The following EIF3H variants were observed in gnomAD, a reference collection of about 807,000 sequenced individuals.
EIF3H encodes the protein eIF-3-gamma.
In EIF3H, 26 loss-of-function variants were observed where a neutral mutation model predicts 44.2. That is an observed-to-expected ratio of 0.59 (90% CI 0.43 to 0.82). The LOEUF is 0.82. Ranked by LOEUF, EIF3H falls within the 40% of genes least tolerant of loss-of-function variation. The pLI, the probability that EIF3H is intolerant of heterozygous loss-of-function variation, is 0.00. For synonymous variants in EIF3H, 166 were observed against 151.9 expected, an observed-to-expected ratio of 1.09 and a Z score of -0.68; for missense variants, 359 against 432.8, an observed-to-expected ratio of 0.83 and a Z score of 1.51.
intron 2 of EIF3H, among the ~76,000 whole-genome samples, chr8:116,676,674 A>G (rs1278587656): frequency 6.6e-6 from 1 of 152,238 alleles, no homozygotes; most frequent in East Asian, 1.9e-4. Context: ...TGACAGTATT[A>G]CTAATGTAAA....
intron 2 of EIF3H, among the ~76,000 whole-genome samples, chr8:116,681,802 T>C (rs1360576726): frequency 6.6e-6 from 1 of 152,222 alleles, no homozygotes; most frequent in Non-Finnish European, 1.5e-5. Context: ...AAAATACTGT[T>C]CTGATAATTT....
chr8:116,711,209 T>G (rs1198801841), intron 2 of EIF3H, among the ~76,000 whole-genome samples: 1 of 152,138 alleles, frequency 6.6e-6, no homozygotes, highest in Non-Finnish European at 1.5e-5. Context: ...ATCAAGTATC[T>G]CTGAAAGGGG....
chr8:116,724,913 T>TA (rs1814809429), intron 2 of EIF3H, among the ~76,000 whole-genome samples: 1 of 152,180 alleles, frequency 6.6e-6, no homozygotes, highest in South Asian at 2.1e-4. Context: ...AATTACCATG[T>TA]AATACCACTT....
chr8:116,660,047 C>T (rs988852630), intron 2 of EIF3H, among the ~76,000 whole-genome samples: 1 of 151,996 alleles, frequency 6.6e-6, no homozygotes, highest in Non-Finnish European at 1.5e-5. Context: ...CCACCGCACC[C>T]GGCTAATTTT....
rs60010504 is a variant in EIF3H, at chr8:116,713,563, A to C, written c.289+12453T>G. ...TGTATTTAAAATCTTGAGACACTCA[A>C]ACTGAAAGAACCAAAAAGCCATGAA... On this transcript the variant is annotated intron_variant, in intron 2 of 7. Coordinates refer to ENST00000521861, the MANE Select transcript of EIF3H (RefSeq NM_003756.3). 7.5e-3 allele frequency among the ~76,000 whole-genome samples: 1,136 copies of C among 152,264 alleles called. 19 individuals carry two copies. Among genetic ancestry groups the C allele is most frequent in the African/African-American group, 0.026 (1,094 of 41,580 alleles).
chr8:116,678,286 C>CA (rs1485429234), intron 2 of EIF3H, among the ~76,000 whole-genome samples: 1 of 151,710 alleles, frequency 6.6e-6, no homozygotes, highest in Non-Finnish European at 1.5e-5. Flanking sequence ...GAGTCTCGTT[C>CA]ACTCAGTGCT....
chr8:116,693,778 A>AG (rs1393570804), intron 2 of EIF3H, among the ~76,000 whole-genome samples: 2 of 152,024 alleles, frequency 1.3e-5, no homozygotes, highest in African/African-American at 4.8e-5. Flanking sequence ...GAATTCCTTA[A>AG]GGGATCCTCC....
chr8:116,763,883 A>C (rs1297763761), intron 1 of EIF3H, among the ~76,000 whole-genome samples: 3 of 152,182 alleles, frequency 2.0e-5, no homozygotes. Context: ...TTTAATGTTT[A>C]CCTCTTTAAT....
chr8:116,755,212 A>C (rs1239029122), intron 1 of EIF3H, among the ~76,000 whole-genome samples: 1 of 152,240 alleles, frequency 6.6e-6, no homozygotes, highest in Non-Finnish European at 1.5e-5. Flanking sequence ...GCGCCGAAGT[A>C]CAGGCTCAAA....
At chr8:116,738,201 G>C (rs1348841575) in intron 1 of EIF3H, among the ~76,000 whole-genome samples, 1 of 152,146 alleles carries the variant, frequency 6.6e-6, no homozygotes, top group Admixed American at 6.5e-5. Context: ...GATTTGCTAT[G>C]TGGAGTTTCA....
chr8:116,720,286 T>C (rs1814723576), intron 2 of EIF3H, among the ~76,000 whole-genome samples: 1 of 152,252 alleles, frequency 6.6e-6, no homozygotes, highest in Middle Eastern at 3.2e-3. Flanking sequence ...ATTGTTGTAA[T>C]GTTTTTAAAT....
At chr8:116,690,071 T>C (rs1228679360) in intron 2 of EIF3H, among the ~76,000 whole-genome samples, 1 of 152,220 alleles carries the variant, frequency 6.6e-6, no homozygotes, top group Non-Finnish European at 1.5e-5. Context: ...GTCAGTCATA[T>C]CTGTTTTTTC....
intron 2 of EIF3H, among the ~76,000 whole-genome samples, chr8:116,665,066 C>T (rs1156802714): frequency 6.6e-6 from 1 of 152,194 alleles, no homozygotes; most frequent in East Asian, 1.9e-4. Context: ...ACAGCTATTA[C>T]TTCAGACTCT....
At position 116,657,275 on chromosome 8, in the gene EIF3H, G is replaced by A; in HGVS notation, c.497C>T (p.Ala166Val). The A allele has an allele frequency of 6.2e-7, 1 of 1,613,748 alleles. No homozygotes were observed. Among genetic ancestry groups the A allele is most frequent in the South Asian group, 1.1e-5 (1 of 91,076 alleles). Residue 166 changes from alanine (A) to valine (V), a missense_variant, in exon 4 of 8, where the codon GCA becomes GTA. Ala to Val is a moderately conservative substitution (Grantham distance 64). Coordinates refer to ENST00000521861, the MANE Select transcript of EIF3H (RefSeq NM_003756.3). ...KTAQGSLSLK[A>V]YRLTPKLMEV... Reference sequence around the variant, plus strand: ...CATCAGTTTAGGAGTCAGTCTGTATGCCTTTAGTGAGAGAGATCCTTGGGC... The same window carrying A: ...CATCAGTTTAGGAGTCAGTCTGTATACCTTTAGTGAGAGAGATCCTTGGGC...
At chr8:116,665,707 T>C (rs1813654678) in intron 2 of EIF3H, among the ~76,000 whole-genome samples, 1 of 152,224 alleles carries the variant, frequency 6.6e-6, no homozygotes, top group Non-Finnish European at 1.5e-5. Context: ...AGCTGCAACA[T>C]GGGACACCAG....
At chr8:116,701,425 G>A (rs972514911) in intron 2 of EIF3H, among the ~76,000 whole-genome samples, 2 of 152,066 alleles carry the variant, frequency 1.3e-5, no homozygotes, top group African/African-American at 2.4e-5. Context: ...ATTCTTTGAT[G>A]TTCCTTCCCA....
chr8:116,649,143 T>C (rs1813350814), intron 5 of EIF3H, among the ~76,000 whole-genome samples: 1 of 152,190 alleles, frequency 6.6e-6, no homozygotes, highest in South Asian at 2.1e-4. Context: ...ATACCTGAAA[T>C]AGCTGAGTTT....
At chr8:116,659,373 G>A (rs549421751) in intron 2 of EIF3H, among the ~76,000 whole-genome samples, 55 of 152,234 alleles carry the variant, frequency 3.6e-4, no homozygotes, top group Non-Finnish European at 6.9e-4. Flanking sequence ...TAATAAAAGA[G>A]GAAGAGTTAT....
intron 2 of EIF3H, among the ~76,000 whole-genome samples, chr8:116,694,635 A>AGGC (rs2130867766): frequency 6.6e-6 from 1 of 152,342 alleles, no homozygotes; most frequent in African/African-American, 2.4e-5. Context: ...ATACATAGAA[A>AGGC]GGTCATATCT....
Sources: gnomAD v4.1 joint callset for allele counts (sites outside exome capture counted in the v4.1 genomes callset) on GRCh38, gnomAD v4.1.1 for gene constraint, MANE v1.5 for transcripts, NCBI Gene and HGNC (gene_info 2026-07-23, HGNC 2026-07-21) for gene names.